PI4KA: variants seen among roughly 807,000 people sequenced by gnomAD.
PI4KA encodes PI4-kinase alpha.
PI4KA carries 122 observed loss-of-function variants against 271.4 expected under a neutral mutation model. The observed-to-expected ratio is 0.45, with a 90% CI of 0.39 to 0.52. The LOEUF is 0.52. PI4KA is among the 20% of genes least tolerant of loss of function. PI4KA has a pLI of 0.00. For missense variants in PI4KA, 1,969 were observed against 2,769.1 expected (o/e 0.71, Z 6.48); for synonymous variants, 1,041 against 1,078.8 (o/e 0.96, Z 0.69).
intron 2 of PI4KA, 121 bp from the exon 3 acceptor site, chr22:20,834,776 C>A: frequency 1.5e-6 from 1 of 650,816 alleles, no homozygotes; most frequent in South Asian, 1.9e-5. Context: ...AGAGATTCTC[C>A]AGGGATAATG....
At chr22:20,814,815 GA>G (rs1238169515) in intron 7 of PI4KA, among the ~76,000 whole-genome samples, 17 of 150,564 alleles carry the variant, frequency 1.1e-4, no homozygotes, top group African/African-American at 3.7e-4. Flanking sequence ...AAAAAAGAAG[GA>G]AAAAAATCAA....
At chr22:20,854,976 A>T (rs1927415115) in intron 1 of PI4KA, among the ~76,000 whole-genome samples, 1 of 152,168 alleles carries the variant, frequency 6.6e-6, no homozygotes, top group Non-Finnish European at 1.5e-5. Flanking sequence ...ACACGGCGAA[A>T]CCCCATCTCT....
At chr22:20,803,819 G>A (rs979192674) in intron 12 of PI4KA, among the ~76,000 whole-genome samples, 16 of 152,218 alleles carry the variant, frequency 1.1e-4, no homozygotes, top group African/African-American at 3.9e-4. Context: ...TACCTGGCCA[G>A]GGGATATAGA....
chr22:20,833,584 T>A (rs1351390254), intron 3 of PI4KA, among the ~76,000 whole-genome samples: 1 of 151,698 alleles, frequency 6.6e-6, no homozygotes, highest in Admixed American at 6.6e-5. Flanking sequence ...GGGCCCAGAA[T>A]GTTAATGAGA....
chr22:20,813,540 G>A, intron 7 of PI4KA, 34 bp from the exon 8 acceptor site: 1 of 1,608,740 alleles, frequency 6.2e-7, no homozygotes, highest in Non-Finnish European at 8.5e-7. Flanking sequence ...CTCAGCCGTG[G>A]TGACAGGCAA....
At chr22:20,819,375 C>T (rs1353733435) in intron 6 of PI4KA, among the ~76,000 whole-genome samples, 1 of 150,234 alleles carries the variant, frequency 6.7e-6, no homozygotes, top group Non-Finnish European at 1.5e-5. Context: ...AACATAATGG[C>T]GATAAGGCTT....
chr22:20,798,947 T>A, intron 16 of PI4KA, 146 bp downstream of exon 16: 1 of 677,846 alleles, frequency 1.5e-6, no homozygotes, highest in East Asian at 2.7e-5. Context: ...CATCTTACAC[T>A]ATTCTTACTA....
intron 23 of PI4KA, among the ~76,000 whole-genome samples, chr22:20,755,940 A>T (rs1419466287): frequency 1.3e-5 from 2 of 152,200 alleles, no homozygotes; most frequent in Non-Finnish European, 2.9e-5. Flanking sequence ...TTTAATTTGC[A>T]TGACTACATG....
rs1935973799 is a variant in PI4KA at position 20,811,049 on chromosome 22, A to G, written c.1006-17T>C. On this transcript the variant is annotated splice_polypyrimidine_tract_variant and intron_variant, in intron 8 of 54. Coordinates refer to ENST00000255882, the MANE Select transcript of PI4KA (RefSeq NM_058004.4). ...CTTCTTCACCTACCAAGGAAACAGA[A>G]CCTCATGAAGCAACTGACATACACA... is the stretch of plus-strand genomic sequence containing the variant. 4 of 1,600,596 alleles carry G rather than the reference A, an allele frequency of 2.5e-6. No homozygotes were observed. Among genetic ancestry groups the G allele is most frequent in the Non-Finnish European group, 3.4e-6 (4 of 1,167,662 alleles).
chr22:20,773,479 G>A (rs1308708322), intron 19 of PI4KA, among the ~76,000 whole-genome samples: 2 of 152,222 alleles, frequency 1.3e-5, no homozygotes, highest in Admixed American at 6.5e-5. Flanking sequence ...CTGAATTTGG[G>A]AGGCACTGCT....
chr22:20,775,795 C>T (rs1933225662), intron 19 of PI4KA, among the ~76,000 whole-genome samples: 1 of 152,130 alleles, frequency 6.6e-6, no homozygotes, highest in Admixed American at 6.6e-5. Context: ...TGGTCTTCTT[C>T]TTCTTGATCT....
At chr22:20,758,418 A>T (rs1185709562) in intron 23 of PI4KA, among the ~76,000 whole-genome samples, 1 of 149,400 alleles carries the variant, frequency 6.7e-6, no homozygotes, top group Non-Finnish European at 1.5e-5. Context: ...AAATGTCTTA[A>T]AATATTATAA....
intron 19 of PI4KA, among the ~76,000 whole-genome samples, chr22:20,789,033 C>A (rs1432065613): frequency 6.6e-6 from 1 of 152,186 alleles, no homozygotes; most frequent in Non-Finnish European, 1.5e-5. Context: ...ACCCCCGTTT[C>A]AATGCCTTTT....
At chr22:20,721,133 C>CT (rs932970366) in intron 43 of PI4KA, among the ~76,000 whole-genome samples, 165 bp downstream of exon 43, 6 of 152,136 alleles carry the variant, frequency 3.9e-5, no homozygotes, top group African/African-American at 1.4e-4. Flanking sequence ...AGGGGTCCTG[C>CT]TCCCCTGTGT....
intron 19 of PI4KA, chr22:20,779,427 G>C: frequency 6.2e-7 from 1 of 1,614,238 alleles, no homozygotes; most frequent in Non-Finnish European, 8.5e-7. Context: ...TCAGTCTGCA[G>C]ATCCCCAGTG....
chr22:20,835,471 C>T (rs1424896975), intron 2 of PI4KA, among the ~76,000 whole-genome samples: 1 of 152,180 alleles, frequency 6.6e-6, no homozygotes. Context: ...GTGGCTCACA[C>T]CCGTAATCCC....
chr22:20,749,970 G>A lies in PI4KA; in HGVS notation c.3178C>T (p.Arg1060Cys). ...RESIVKDFAA[R>C]CGMILQEAMK... ...GCCTCCTGGAGGATCATCCCACAGC[G>A]TGCAGCGAAGTCCTTCACAATGCTC... The change falls in exon 28 of 55, where the codon CGC (arginine) becomes TGC (cysteine). Residue 1060 changes from arginine to cysteine, a missense_variant. This residue lies in a region of PI4KA where 368 missense variants were observed against 544.3 expected (regional missense o/e 0.68). Transcript: ENST00000255882. 6.2e-7 allele frequency: 1 copy of A among 1,613,212 alleles called. No individual in the cohort carries two copies. Among genetic ancestry groups the A allele is most frequent in the Non-Finnish European group, 8.5e-7 (1 of 1,179,174 alleles).
intron 29 of PI4KA, 103 bp downstream of exon 29, chr22:20,747,480 C>G (rs1042150577): frequency 8.0e-7 from 1 of 1,245,038 alleles, no homozygotes; most frequent in African/African-American, 1.5e-5. Flanking sequence ...CCTGCATGTA[C>G]TCATGTGCGT....
rs191041056 is a variant in PI4KA, at chr22:20,808,012, C to T, written c.1072-554G>A. ...AGTTAAGAAAGATAATAGTCCAGCC[C>T]GGGTGTGGTGGCTCACGCCTGTAAT... On this transcript the variant is annotated intron_variant, in intron 9 of 54. Coordinates refer to ENST00000255882, the MANE Select transcript of PI4KA (RefSeq NM_058004.4). 1.7e-3 allele frequency among the ~76,000 whole-genome samples: 263 copies of T among 152,040 alleles called. 2 individuals carry two copies. The highest frequency in any genetic ancestry group is 6.1e-3 in the African/African-American group (251 of 41,474).
Sources: gnomAD v4.1 joint callset for allele counts (sites outside exome capture counted in the v4.1 genomes callset) on GRCh38, gnomAD v4.1.1 for gene constraint, gnomAD v4.1.1 regional missense constraint, MANE v1.5 for transcripts, NCBI Gene and HGNC (gene_info 2026-07-23, HGNC 2026-07-21) for gene names.